The following TRMU variants were observed in gnomAD, a reference collection of about 807,000 sequenced individuals.
The protein encoded by TRMU is mitochondrial tRNA-specific 2-thiouridylase 1.
Under a neutral mutation model 46.9 loss-of-function variants are expected in TRMU, and 49 were observed. The ratio of observed to expected loss-of-function variants is 1.05; its 90% CI spans 0.83 to 1.33. The LOEUF (loss-of-function observed/expected upper bound fraction) is 1.33. TRMU is among the 40% of genes most tolerant of loss of function. TRMU has a pLI of 0.00. For synonymous variants in TRMU, 241 were observed against 200.9 expected, an observed-to-expected ratio of 1.20 and a Z score of -1.69; for missense variants, 572 against 532.4, an observed-to-expected ratio of 1.07 and a Z score of -0.73.
At chr22:46,352,637 G>A (rs2078467625) in intron 7 of TRMU, 2 of 473,450 alleles carry the variant, frequency 4.2e-6, no homozygotes, top group South Asian at 4.3e-5. Context: ...TTTCCTTCCT[G>A]TGTAAGGAAA....
Position 46,341,184 on chromosome 22 carries a change from C to T in TRMU, c.249-2078C>T, listed in dbSNP as rs549967584. Among the ~76,000 whole-genome samples the T allele has an allele frequency of 7.2e-5, 11 of 152,318 alleles. No individual in the cohort carries two copies. The South Asian group carries it at 1.2e-3, about 17-fold the overall frequency. On this transcript the variant is annotated intron_variant, in intron 2 of 10. Transcript: ENST00000645190. ...TTGTTTTTGCTAATGCCAAAACACA[C>T]GCCTTCCCATCTGCTGTTTACGAAA...
At position 46,342,954 on chromosome 22, in the gene TRMU, G is replaced by A. The variant is rs946393693; in HGVS notation, c.249-308G>A. On this transcript the variant is annotated intron_variant, in intron 2 of 10. Coordinates refer to ENST00000645190, the MANE Select transcript of TRMU (RefSeq NM_018006.5). The surrounding 1 kb of genome is among the most constrained non-coding windows in gnomAD (Gnocchi z 4.7). ...TCACCTAAGCCCTGCTGTGTTGGAG[G>A]AGTCCCAGAGGCAGGGTTTTAGTGA... Among the ~76,000 whole-genome samples, 4 of 152,240 alleles carry A rather than the reference G, an allele frequency of 2.6e-5. No homozygotes were observed. The highest frequency in any genetic ancestry group is 7.2e-5 in the African/African-American group (3 of 41,454).
chr22:46,338,182 C>A lies in TRMU; in HGVS notation c.248+238C>A. 2 of 519,830 alleles carry A rather than the reference C, an allele frequency of 3.8e-6. No homozygotes were observed. The highest frequency in any genetic ancestry group is 7.0e-6 in the Non-Finnish European group (2 of 286,290). The allele number at this position is 519,830 out of a possible 1,614,324, so 32.2% of individuals were successfully genotyped here. ...TGTCATTTTGCCACTTGCCTGAAGT[C>A]TCTTTAATGCTTTCTTGGACCTTGA... On this transcript the variant is annotated intron_variant, in intron 2 of 10. Coordinates refer to ENST00000645190, the MANE Select transcript of TRMU (RefSeq NM_018006.5). This position sits in a 1 kb window ranked among gnomAD's most constrained non-coding sequence, Gnocchi z 4.5.
chr22:46,346,070 C>T (rs1276356221), intron 3 of TRMU, among the ~76,000 whole-genome samples: 1 of 152,210 alleles, frequency 6.6e-6, no homozygotes, highest in African/African-American at 2.4e-5. Context: ...CGCGCCTGGC[C>T]TCCCTTCGTA....
Position 46,349,227 on chromosome 22 carries a change from G to A in TRMU, c.479-1064G>A, listed in dbSNP as rs964757000. On this transcript the variant is annotated intron_variant, in intron 4 of 10. Coordinates refer to ENST00000645190, the MANE Select transcript of TRMU (RefSeq NM_018006.5). The surrounding 1 kb of genome is among the most constrained non-coding windows in gnomAD (Gnocchi z 4.6). ...TTGGTCTCACTTGTCACTCAGTTCT[G>A]CTGTTTGTACCTGCCAAGTAAGGGA... is the stretch of plus-strand genomic sequence containing the variant. Among the ~76,000 whole-genome samples the A allele has an allele frequency of 6.6e-6, 1 of 151,986 alleles. No individual in the cohort carries two copies. Among genetic ancestry groups the A allele is most frequent in the African/African-American group, 2.4e-5 (1 of 41,374 alleles).
At chr22:46,355,291 T>C in intron 8 of TRMU, 153 bp from the exon 9 acceptor site, 1 of 1,222,432 alleles carries the variant, frequency 8.2e-7, no homozygotes, top group African/African-American at 1.5e-5. Flanking sequence ...GGTGATGAGA[T>C]GAATTTCTGT....
chr22:46,356,693 G>T, intron 10 of TRMU, 149 bp from the exon 11 acceptor site: 1 of 929,440 alleles, frequency 1.1e-6, no homozygotes. Context: ...CTGTTCAGCA[G>T]CAGCAGCAGC....
chr22:46,355,265 A>G (rs1296466881), intron 8 of TRMU, 179 bp from the exon 9 acceptor site: 3 of 945,584 alleles, frequency 3.2e-6, no homozygotes, highest in East Asian at 2.6e-5. Flanking sequence ...TAAAATGGGG[A>G]TTCAAAGGCC....
At position 46,350,554 on chromosome 22, in the gene TRMU, T is replaced by C; in HGVS notation, c.651+91T>C. On this transcript the variant is annotated intron_variant, in intron 5 of 10. Transcript: ENST00000645190. The surrounding 1 kb of genome is among the most constrained non-coding windows in gnomAD (Gnocchi z 4.6). ...GCTGGACCTGTGGGTCCCGCACCACTTCCCCTTCTCCAGGACCTAACATCA... is the reference window on the plus strand; with the variant it reads ...GCTGGACCTGTGGGTCCCGCACCACCTCCCCTTCTCCAGGACCTAACATCA... The C allele has an allele frequency of 1.3e-6, 2 of 1,496,614 alleles. No individual in the cohort carries two copies. The highest frequency in any genetic ancestry group is 1.4e-5 in the African/African-American group (1 of 72,626). The allele number at this position is 1,496,614 out of a possible 1,614,324, so 92.7% of individuals were successfully genotyped here. A position where few individuals can be genotyped will look rare whatever the true frequency, so the allele number is the denominator to read the frequency against.
rs780389441 is a variant in TRMU at position 46,337,876 on chromosome 22, T to C, written c.180T>C (p.Val60=). Residue 60 remains valine (V), a synonymous_variant, in exon 2 of 11, where the codon GTT becomes GTC. Coordinates refer to ENST00000645190, the MANE Select transcript of TRMU (RefSeq NM_018006.5). ...ADKDCEDAYR[V]CQILDIPFHQ... ...AAGACTGTGAAGATGCTTACAGAGT[T>C]TGCCAGATCTTAGACATCCCTTTCC... 1.2e-6 allele frequency: 2 copies of C among 1,614,218 alleles called. No individual in the cohort carries two copies. Among genetic ancestry groups the C allele is most frequent in the Non-Finnish European group, 1.7e-6 (2 of 1,180,042 alleles).
At chr22:46,344,101 A>T (rs2078191712) in intron 3 of TRMU, among the ~76,000 whole-genome samples, 1 of 152,260 alleles carries the variant, frequency 6.6e-6, no homozygotes, top group Admixed American at 6.5e-5. Flanking sequence ...AACTTAATAG[A>T]GATAAATGCA....
In TRMU at chr22:46,338,437, A is replaced by C. The variant is rs548041011; in HGVS notation, c.248+493A>C. On this transcript the variant is annotated intron_variant, in intron 2 of 10. Coordinates refer to ENST00000645190, the MANE Select transcript of TRMU (RefSeq NM_018006.5). This position sits in a 1 kb window ranked among gnomAD's most constrained non-coding sequence, Gnocchi z 4.5. ...CTAGGCGTGTGCCACATCTAGGAAC[A>C]TTAAGATGTCTTCACTGTGACCTGG... Among the ~76,000 whole-genome samples, 1 of 152,266 alleles carries C rather than the reference A, an allele frequency of 6.6e-6. No homozygotes were observed. The highest frequency in any genetic ancestry group is 1.5e-5 in the Non-Finnish European group (1 of 68,044).
rs902655683 is a variant in TRMU, at chr22:46,351,139, G to C, written c.651+676G>C. Among the ~76,000 whole-genome samples the C allele has an allele frequency of 6.6e-6, 1 of 152,234 alleles. No homozygotes were observed. Among genetic ancestry groups the C allele is most frequent in the East Asian group, 1.9e-4 (1 of 5,186 alleles). On this transcript the variant is annotated intron_variant, in intron 5 of 10. Transcript: ENST00000645190. The surrounding 1 kb of genome is among the most constrained non-coding windows in gnomAD (Gnocchi z 6.4). ...GGAACCTGAGACCTGAAGGAGGAGAGGATCCGGTGTCCCAGAGAGGGCTGG... is the reference window on the plus strand; with the variant it reads ...GGAACCTGAGACCTGAAGGAGGAGACGATCCGGTGTCCCAGAGAGGGCTGG...
At position 46,350,164 on chromosome 22, in the gene TRMU, A is replaced by G. The variant is rs1472964182; in HGVS notation, c.479-127A>G. ...GGTGGTCTTTTCCCTAGTAGTTGCT[A>G]TTGAGTGTTGATGTCTGCCTCTGAC... is the stretch of plus-strand genomic sequence containing the variant. On this transcript the variant is annotated intron_variant, in intron 4 of 10. Transcript: ENST00000645190. The surrounding 1 kb of genome is among the most constrained non-coding windows in gnomAD (Gnocchi z 4.6). The G allele has an allele frequency of 2.8e-6, 3 of 1,080,628 alleles. No individual in the cohort carries two copies. The highest frequency in any genetic ancestry group is 2.0e-5 in the Admixed American group (1 of 49,764). 66.9% of individuals were successfully genotyped at this position (1,080,628 alleles called of 1,614,324 possible). A position where few individuals can be genotyped will look rare whatever the true frequency, so the allele number is the denominator to read the frequency against.
rs1249142719 is a variant in TRMU at position 46,349,823 on chromosome 22, C to T, written c.479-468C>T. On this transcript the variant is annotated intron_variant, in intron 4 of 10. Transcript: ENST00000645190. The surrounding 1 kb of genome is among the most constrained non-coding windows in gnomAD (Gnocchi z 4.6). ...CTGGAGGCATGTGCTGGCCGCCGGG[C>T]AGTGAACCTGGAAAGTGTAGAGTCC... Among the ~76,000 whole-genome samples the T allele has an allele frequency of 1.3e-5, 2 of 152,192 alleles. No individual in the cohort carries two copies. Among genetic ancestry groups the T allele is most frequent in the Non-Finnish European group, 2.9e-5 (2 of 68,024 alleles).
At position 46,335,827 on chromosome 22, in the gene TRMU, G is replaced by C. The variant is rs2077957097; in HGVS notation, c.63G>C (p.Ala21=). 2 of 1,554,228 alleles carry C rather than the reference G, an allele frequency of 1.3e-6. No homozygotes were observed. Among genetic ancestry groups the C allele is most frequent in the Admixed American group, 3.8e-5 (2 of 52,594 alleles). The change falls in exon 1 of 11, where the codon GCG becomes GCC. Residue 21 remains alanine (A), a synonymous_variant. Coordinates refer to ENST00000645190, the MANE Select transcript of TRMU (RefSeq NM_018006.5). ...LSGGVDSAVA[A]LLLRRRGYQV... Reference sequence around the variant, plus strand: ...GCGGCGTGGACAGCGCCGTGGCCGCGCTGCTGCTGAGGCGGAGAGGTGAGG... The same window carrying C: ...GCGGCGTGGACAGCGCCGTGGCCGCCCTGCTGCTGAGGCGGAGAGGTGAGG...
At position 46,337,770 on chromosome 22, in the gene TRMU, C is replaced by T. The variant is rs374612111; in HGVS notation, c.83-9C>T. On this transcript the variant is annotated splice_polypyrimidine_tract_variant and intron_variant, in intron 1 of 10. Transcript: ENST00000645190. ...ATGTATTCTCTTTAATTGACCTTCC[C>T]GCCCGCAGGTTACCAGGTGACAGGG... 7.1e-5 allele frequency: 114 copies of T among 1,614,040 alleles called. No homozygotes were observed. The highest frequency in any genetic ancestry group is 1.6e-4 in the Middle Eastern group (1 of 6,084).
At chr22:46,355,376 A>C in intron 8 of TRMU, 68 bp from the exon 9 acceptor site, 3 of 1,586,964 alleles carry the variant, frequency 1.9e-6, no homozygotes, top group Non-Finnish European at 2.6e-6. Context: ...GTTCCCAGGG[A>C]CCACACTGAG....
rs1488995732 is a variant in TRMU, at chr22:46,336,898, T to C, written c.83-881T>C. Among the ~76,000 whole-genome samples, 1 of 151,996 alleles carries C rather than the reference T, an allele frequency of 6.6e-6. No homozygotes were observed. The highest frequency in any genetic ancestry group is 1.5e-5 in the Non-Finnish European group (1 of 67,998). On this transcript the variant is annotated intron_variant, in intron 1 of 10. Transcript: ENST00000645190. This position sits in a 1 kb window ranked among gnomAD's most constrained non-coding sequence, Gnocchi z 4.1. ...GGTGGAGGCGGCCCTCCCGGCACAG[T>C]CAGCAGTGCAAGCAGAATCACAGAG...
Sources: allele counts gnomAD v4.1 joint callset (sites outside exome capture counted in the v4.1 genomes callset), GRCh38; gene constraint gnomAD v4.1.1; non-coding constraint Gnocchi (gnomAD v3.1); transcripts MANE v1.5; gene names NCBI Gene and HGNC (gene_info 2026-07-23, HGNC 2026-07-21).